The following NEDD4L variants were observed in gnomAD, a reference collection of about 807,000 sequenced individuals.
NEDD4L encodes NEDD4 like E3 ubiquitin protein ligase.
Under a neutral mutation model 148.9 loss-of-function variants are expected in NEDD4L, and 54 were observed. That is an observed-to-expected ratio of 0.36 (90% CI 0.29 to 0.45). The LOEUF is 0.45. Ranked by LOEUF, NEDD4L falls within the 20% of genes least tolerant of loss-of-function variation. NEDD4L has a pLI of 1.00. For missense variants in NEDD4L, 856 were observed against 1,233.8 expected, an observed-to-expected ratio of 0.69 and a Z score of 4.59; for synonymous variants, 433 against 440.7, an observed-to-expected ratio of 0.98 and a Z score of 0.22.
intron 22 of NEDD4L, among the ~76,000 whole-genome samples, chr18:58,370,111 G>A (rs566041416): frequency 1.3e-5 from 2 of 152,102 alleles, no homozygotes; most frequent in South Asian, 2.1e-4. Flanking sequence ...CAATTCCTAC[G>A]CCTGATTTGC....
chr18:58,169,601 C>G (rs59531936), intron 2 of NEDD4L, among the ~76,000 whole-genome samples: 5,944 of 152,168 alleles, frequency 0.039, 387 homozygotes, highest in African/African-American at 0.13. Flanking sequence ...TTTAAAAAAG[C>G]AGGCCTCACA....
At chr18:58,125,964 C>T (rs762152029) in intron 1 of NEDD4L, among the ~76,000 whole-genome samples, 13 of 152,252 alleles carry the variant, frequency 8.5e-5, no homozygotes, top group East Asian at 1.9e-4. Flanking sequence ...GCCTGGCGCA[C>T]GCACCAAACG....
intron 2 of NEDD4L, among the ~76,000 whole-genome samples, chr18:58,179,252 C>A (rs920993702): frequency 1.3e-5 from 2 of 152,180 alleles, no homozygotes; most frequent in African/African-American, 4.8e-5. Context: ...TGAAGTGAGA[C>A]TTCACCCACT....
At chr18:58,204,743 G>C (rs2147511204) in intron 2 of NEDD4L, among the ~76,000 whole-genome samples, 1 of 152,284 alleles carries the variant, frequency 6.6e-6, no homozygotes, top group African/African-American at 2.4e-5. Context: ...CTTCACATTA[G>C]ACACTCATTA....
At chr18:58,137,484 A>G (rs2032975960) in intron 1 of NEDD4L, among the ~76,000 whole-genome samples, 2 of 152,156 alleles carry the variant, frequency 1.3e-5, no homozygotes, top group Admixed American at 1.3e-4. Flanking sequence ...TAGCTGGGAA[A>G]GGCCATAAGG....
intron 17 of NEDD4L, among the ~76,000 whole-genome samples, chr18:58,350,488 T>TA (rs374087238): frequency 5.4e-4 from 82 of 152,330 alleles, no homozygotes; most frequent in African/African-American, 1.9e-3. Context: ...AATGAGGGCA[T>TA]ACCAGCTTTA....
intron 1 of NEDD4L, among the ~76,000 whole-genome samples, chr18:58,075,673 C>A (rs1401751486): frequency 6.6e-6 from 1 of 152,018 alleles, no homozygotes; most frequent in Non-Finnish European, 1.5e-5. Context: ...TGATTGTAAT[C>A]CAAGAGGTTT....
intron 1 of NEDD4L, among the ~76,000 whole-genome samples, chr18:58,163,199 C>T (rs139040106): frequency 1.8e-4 from 27 of 152,314 alleles, no homozygotes; most frequent in Admixed American, 6.5e-4. Context: ...TGCTTCAGCA[C>T]CTCCCCGAGT....
intron 5 of NEDD4L, among the ~76,000 whole-genome samples, chr18:58,306,461 G>A: frequency 6.6e-6 from 1 of 152,222 alleles, no homozygotes; most frequent in South Asian, 2.1e-4. Context: ...GTTGGGGATG[G>A]CAGCATAGCA....
intron 5 of NEDD4L, among the ~76,000 whole-genome samples, chr18:58,278,395 C>T (rs2052479184): frequency 6.6e-6 from 1 of 152,210 alleles, no homozygotes; most frequent in African/African-American, 2.4e-5. Flanking sequence ...TGTGGCCAGC[C>T]TCTTATTCAG....
At chr18:58,390,058 A>G (rs1227287050) in intron 28 of NEDD4L, 3 of 152,346 alleles carry the variant, frequency 2.0e-5, no homozygotes, top group African/African-American at 7.2e-5. Context: ...AGCCTAGTCC[A>G]GGTCTCACTT....
chr18:58,116,046 T>C (rs1230632354), intron 1 of NEDD4L, among the ~76,000 whole-genome samples: 9 of 152,230 alleles, frequency 5.9e-5, no homozygotes, highest in Non-Finnish European at 8.8e-5. Flanking sequence ...CCAAAACTAC[T>C]GTGTCCTTCT....
At chr18:58,125,360 T>G (rs1244858897) in intron 1 of NEDD4L, among the ~76,000 whole-genome samples, 16 of 32,978 alleles carry the variant, frequency 4.9e-4, no homozygotes, top group East Asian at 7.0e-4. Context: ...ACCAGGAGGG[T>G]GTGTGTGTGT....
At chr18:58,311,605 G>A (rs2057703683) in intron 5 of NEDD4L, among the ~76,000 whole-genome samples, 1 of 152,200 alleles carries the variant, frequency 6.6e-6, no homozygotes, top group Admixed American at 6.5e-5. Context: ...CACCGCCTCT[G>A]TCTTGAAAGG....
At chr18:58,333,697 T>A in intron 11 of NEDD4L, 121 bp from the exon 12 acceptor site, 1 of 702,778 alleles carries the variant, frequency 1.4e-6, no homozygotes, top group East Asian at 2.8e-5. Flanking sequence ...GATGTTTCAT[T>A]TAATTACCTT....
chr18:58,183,300 C>T (rs755599415), intron 2 of NEDD4L, among the ~76,000 whole-genome samples: 1 of 152,230 alleles, frequency 6.6e-6, no homozygotes, highest in African/African-American at 2.4e-5. Flanking sequence ...TGTTTGTTAG[C>T]TCTGGGTCTC....
At chr18:58,191,289 G>C (rs578191759) in intron 2 of NEDD4L, among the ~76,000 whole-genome samples, 1 of 152,274 alleles carries the variant, frequency 6.6e-6, no homozygotes, top group East Asian at 1.9e-4. Flanking sequence ...TGGTGTGTCT[G>C]GTTCCTATAG....
chr18:58,275,345 G>A (rs35881225), intron 5 of NEDD4L, among the ~76,000 whole-genome samples: 27,260 of 152,072 alleles, frequency 0.18, 2,582 homozygotes, highest in Non-Finnish European at 0.18. Flanking sequence ...ACAGGTGACA[G>A]AGGTAGAAAA....
intron 1 of NEDD4L, among the ~76,000 whole-genome samples, chr18:58,074,262 A>AT (rs765771513): frequency 0.054 from 7,545 of 138,446 alleles, 557 homozygotes; most frequent in African/African-American, 0.17. Flanking sequence ...TCATGCTAAG[A>AT]TTTTTTTTTT....
Sources: allele counts gnomAD v4.1 joint callset (sites outside exome capture counted in the v4.1 genomes callset), GRCh38; gene constraint gnomAD v4.1.1; transcripts MANE v1.5; gene names NCBI Gene and HGNC (gene_info 2026-07-23, HGNC 2026-07-21).